Variants in GATA4 observed in about 807,000 individuals in gnomAD.
GATA4 encodes the protein GATA binding protein 4.
A neutral mutation model predicts 37.9 loss-of-function variants in GATA4; 7 were observed. The ratio of observed to expected loss-of-function variants is 0.18; its 90% CI spans 0.11 to 0.35. The LOEUF is 0.35. Among genes scored for constraint, GATA4 ranks in the 10% least tolerant of loss-of-function variants. The pLI, the probability that GATA4 is intolerant of heterozygous loss-of-function variation, is 1.00. For missense variants in GATA4, 647 were observed against 653.0 expected, an observed-to-expected ratio of 0.99 and a Z score of 0.10; for synonymous variants, 372 against 292.6, an observed-to-expected ratio of 1.27 and a Z score of -2.77.
intron 1 of GATA4, chr8:11,681,481 T>G (rs1798969345): frequency 3.7e-6 from 3 of 812,828 alleles, no homozygotes; most frequent in African/African-American, 9.7e-5. Context: ...CCGCGCGGGG[T>G]GCGGCGCTCG....
chr8:11,681,876 G>A (rs1243121870), intron 1 of GATA4, among the ~76,000 whole-genome samples: 1 of 152,108 alleles, frequency 6.6e-6, no homozygotes, highest in Admixed American at 6.5e-5. Context: ...GGCATACTCT[G>A]CGCCTTCAGA....
intron 2 of GATA4, among the ~76,000 whole-genome samples, chr8:11,721,312 G>T (rs935420887): frequency 1.3e-5 from 2 of 149,996 alleles, no homozygotes; most frequent in African/African-American, 4.9e-5. Context: ...GCTTGAATCA[G>T]GCTGTTCTGC....
chr8:11,708,383 G>A lies in GATA4; in HGVS notation c.71G>A (p.Gly24Asp). The change falls in exon 2 of 7, where the codon GGC becomes GAC. Residue 24 changes from glycine to aspartate, a missense_variant. Gly to Asp is a moderately conservative substitution (Grantham distance 94). Transcript: ENST00000532059. The surrounding 1 kb of genome is among the most constrained non-coding windows in gnomAD (Gnocchi z 6.7). ...GGTGCCTACGAGGCGGGCGGCCCCG[G>A]CGCCTTCATGCACGGCGCGGGCGCC... The part of the protein sequence containing the change: ...PPGAYEAGGP[G>D]AFMHGAGAAS... The A allele has an allele frequency of 6.4e-7, 1 of 1,552,596 alleles. No homozygotes were observed. Among genetic ancestry groups the A allele is most frequent in the Non-Finnish European group, 8.6e-7 (1 of 1,156,440 alleles).
At chr8:11,753,700 C>G (rs552118799) in intron 4 of GATA4, among the ~76,000 whole-genome samples, 2 of 152,206 alleles carry the variant, frequency 1.3e-5, no homozygotes, top group African/African-American at 4.8e-5. Context: ...AAGTGCCACC[C>G]CATCTACCCA....
Position 11,742,169 on chromosome 8 carries a change from G to A in GATA4, c.617-6747G>A, listed in dbSNP as rs545227698. On this transcript the variant is annotated intron_variant, in intron 2 of 6. Coordinates refer to ENST00000532059, the MANE Select transcript of GATA4 (RefSeq NM_001308093.3). ...TTAGACCTCCAGGGAGGAGCCGCTG[G>A]GGCCCAGGGTGTCAGGGGCTTGAGT... 2.0e-5 allele frequency among the ~76,000 whole-genome samples: 3 copies of A among 152,160 alleles called. No homozygotes were observed. In the East Asian group the frequency reaches 5.8e-4, roughly 29 times the overall value.
At chr8:11,692,963 CG>C (rs1799369469) in intron 1 of GATA4, 1 of 985,164 alleles carries the variant, frequency 1.0e-6, no homozygotes. Context: ...GCCTGCCAGG[CG>C]CCGGCCCCGC....
rs544552062 is a variant in GATA4 at position 11,750,602 on chromosome 8, G to A, written c.912+366G>A. ...ACCTTAAACAAAAATAAACTTGGGTGAATTAAGGATATTACATGTAAAACA... is the reference window on the plus strand; with the variant it reads ...ACCTTAAACAAAAATAAACTTGGGTAAATTAAGGATATTACATGTAAAACA... On this transcript the variant is annotated intron_variant, in intron 4 of 6. Transcript: ENST00000532059. 4.6e-5 allele frequency among the ~76,000 whole-genome samples: 7 copies of A among 152,110 alleles called. No homozygotes were observed. The South Asian group carries it at 1.2e-3, about 27-fold the overall frequency.
At chr8:11,694,065 G>A (rs183291472) in intron 1 of GATA4, among the ~76,000 whole-genome samples, 1 of 152,294 alleles carries the variant, frequency 6.6e-6, no homozygotes, top group East Asian at 1.9e-4. Context: ...CCAAGGAGGT[G>A]CCGTGGGTCC....
intron 4 of GATA4, among the ~76,000 whole-genome samples, chr8:11,752,876 C>T (rs1180336866): frequency 1.3e-5 from 2 of 151,948 alleles, no homozygotes; most frequent in African/African-American, 4.8e-5. Flanking sequence ...TTGTTAATCA[C>T]TGTAATAGCA....
At chr8:11,712,544 A>C (rs539649237) in intron 2 of GATA4, among the ~76,000 whole-genome samples, 8 of 151,934 alleles carry the variant, frequency 5.3e-5, no homozygotes, top group African/African-American at 1.9e-4. Context: ...TGACCATTTT[A>C]TAGGAAAAAA....
At chr8:11,753,045 C>T (rs1413466252) in intron 4 of GATA4, among the ~76,000 whole-genome samples, 1 of 152,164 alleles carries the variant, frequency 6.6e-6, no homozygotes, top group Non-Finnish European at 1.5e-5. Context: ...ATCCAGCGTA[C>T]CATTTCTGGA....
chr8:11,723,462 C>G (rs1034082640), intron 2 of GATA4, among the ~76,000 whole-genome samples: 4 of 152,188 alleles, frequency 2.6e-5, no homozygotes, highest in Non-Finnish European at 5.9e-5. Context: ...AAACTGAGCT[C>G]TTTTGACAAA....
rs1262839409 is a variant in GATA4 at position 11,758,466 on chromosome 8, C to G, written c.1323C>G (p.Ile441Met). The change falls in exon 7 of 7, where the codon ATC becomes ATG. Residue 441 changes from isoleucine (I) to methionine (M), a missense_variant. Physicochemically the swap from Ile to Met is conservative, Grantham distance 10. Transcript: ENST00000532059. ...TGGCCGACAGTCACGGGGACATAAT[C>G]ACTGCGTAATCTTCCCTCTTCCCTC... ...LVLADSHGDIITA is the reference protein window; with the variant it reads ...LVLADSHGDIMTA 1.9e-6 allele frequency: 3 copies of G among 1,614,196 alleles called. No homozygotes were observed. Among genetic ancestry groups the G allele is most frequent in the Non-Finnish European group, 2.5e-6 (3 of 1,180,022 alleles).
upstream of GATA4, among the ~76,000 whole-genome samples, chr8:11,692,247 G>C (rs770202141): frequency 6.6e-6 from 1 of 152,228 alleles, no homozygotes; most frequent in African/African-American, 2.4e-5. Context: ...GAAACTGAGC[G>C]CAGGGGTGGA....
At chr8:11,737,860 C>T (rs1801536550) in intron 2 of GATA4, among the ~76,000 whole-genome samples, 1 of 152,156 alleles carries the variant, frequency 6.6e-6, no homozygotes. Flanking sequence ...TAGCCCCTGA[C>T]ATATTTATGT....
chr8:11,758,109 C>G (rs1459059832), intron 6 of GATA4, among the ~76,000 whole-genome samples, 184 bp from the exon 7 acceptor site: 1 of 152,196 alleles, frequency 6.6e-6, no homozygotes, highest in Non-Finnish European at 1.5e-5. Context: ...TGATGCATCA[C>G]CCAGACCCTT....
chr8:11,688,815 T>TAATCCCCA (rs1349114200), upstream of GATA4, among the ~76,000 whole-genome samples: 4 of 152,150 alleles, frequency 2.6e-5, no homozygotes, highest in African/African-American at 7.2e-5. Context: ...ATTAAGAACC[T>TAATCCCCA]AATCCCCAAA....
intron 2 of GATA4, among the ~76,000 whole-genome samples, chr8:11,729,555 CAAA>C (rs58397100): frequency 2.9e-5 from 4 of 139,754 alleles, no homozygotes; most frequent in Admixed American, 1.4e-4. Flanking sequence ...GACTGTGTCT[CAAA>C]AAAAAAAAAA....
intron 1 of GATA4, chr8:11,683,043 C>G (rs1290256652): frequency 2.0e-6 from 2 of 985,190 alleles, no homozygotes; most frequent in Non-Finnish European, 2.4e-6. Flanking sequence ...GGGGGTTTCT[C>G]GACAGCTCTC....
Sources: allele counts gnomAD v4.1 joint callset (sites outside exome capture counted in the v4.1 genomes callset), GRCh38; gene constraint gnomAD v4.1.1; non-coding constraint Gnocchi (gnomAD v3.1); transcripts MANE v1.5; gene names NCBI Gene and HGNC (gene_info 2026-07-23, HGNC 2026-07-21).